TNIP3: variants seen among roughly 807,000 people sequenced by gnomAD.
TNIP3 encodes the protein TNFAIP3 interacting protein 3, also known as TNFAIP3-interacting protein 3.
TNIP3 carries 34 observed loss-of-function variants against 54.1 expected under a neutral mutation model. That is an observed-to-expected ratio of 0.63 (90% confidence interval 0.48 to 0.84). The LOEUF (loss-of-function observed/expected upper bound fraction) is 0.84, where lower values mean the gene tolerates loss of function less well. Ranked by LOEUF, TNIP3 falls within the 40% of genes least tolerant of loss-of-function variation. TNIP3 has a pLI of 0.00. For missense variants in TNIP3, 366 were observed against 387.6 expected (o/e 0.94, Z 0.47); for synonymous variants, 134 against 136.8 (o/e 0.98, Z 0.14).
intron 1 of TNIP3, 62 bp downstream of exon 1, chr4:121,163,998 A>C: frequency 6.3e-7 from 1 of 1,584,072 alleles, no homozygotes; most frequent in Non-Finnish European, 8.6e-7. Context: ...TGCACAATTA[A>C]CCACTAGAAA....
intron 2 of TNIP3, among the ~76,000 whole-genome samples, chr4:121,160,928 C>T (rs928489361): frequency 6.6e-6 from 1 of 152,040 alleles, no homozygotes; most frequent in Non-Finnish European, 1.5e-5. Flanking sequence ...GTTTTTCATT[C>T]GTCACTGCAC....
At chr4:121,186,869 C>A (rs1014161261) in intron 2 of TNIP3, among the ~76,000 whole-genome samples, 2 of 152,108 alleles carry the variant, frequency 1.3e-5, no homozygotes, top group Admixed American at 1.3e-4. Flanking sequence ...AATTATGTCA[C>A]CTACTTGGGC....
chr4:121,211,043 T>A (rs949117982), intron 2 of TNIP3, among the ~76,000 whole-genome samples: 1 of 152,084 alleles, frequency 6.6e-6, no homozygotes, highest in Admixed American at 6.5e-5. Flanking sequence ...TCTGGTAATA[T>A]AAAGAAAATA....
chr4:121,177,366 C>T (rs914907417), intron 3 of TNIP3, among the ~76,000 whole-genome samples: 1 of 152,208 alleles, frequency 6.6e-6, no homozygotes, highest in African/African-American at 2.4e-5. Flanking sequence ...AATATAAAAG[C>T]ACACTTTCAT....
At chr4:121,185,852 A>G (rs1724983154) in intron 2 of TNIP3, among the ~76,000 whole-genome samples, 1 of 152,238 alleles carries the variant, frequency 6.6e-6, no homozygotes, top group African/African-American at 2.4e-5. Context: ...TTAAACAACA[A>G]TTGAGTATCC....
At chr4:121,219,266 C>T (rs2148852064), upstream of TNIP3, among the ~76,000 whole-genome samples, 1 of 152,244 alleles carries the variant, frequency 6.6e-6, no homozygotes, top group Middle Eastern at 3.4e-3. Flanking sequence ...GGCTGAGCAT[C>T]CTCTGAAGCT....
chr4:121,142,015 C>T (rs1729150814), intron 8 of TNIP3, 101 bp from the exon 9 acceptor site: 1 of 658,158 alleles, frequency 1.5e-6, no homozygotes, highest in Non-Finnish European at 2.4e-6. Flanking sequence ...CTTAAGGTTC[C>T]ACTTAATCTG....
Position 121,153,324 on chromosome 4 carries a change from T to C in TNIP3, c.492+1227A>G, listed in dbSNP as rs1729876787. ...TGAGCAAAACTACAGCATTCTTGGC[T>C]GTTCTAATATCTACAAGGTTTATAT... On this transcript the variant is annotated intron_variant, in intron 5 of 10. Coordinates refer to ENST00000057513, the MANE Select transcript of TNIP3 (RefSeq NM_024873.6). Among the ~76,000 whole-genome samples the C allele has an allele frequency of 2.0e-5, 3 of 152,176 alleles. No individual in the cohort carries two copies. In the South Asian group the frequency reaches 6.2e-4, roughly 31 times the overall value.
At chr4:121,204,797 G>A (rs1017798533) in intron 2 of TNIP3, among the ~76,000 whole-genome samples, 2 of 152,082 alleles carry the variant, frequency 1.3e-5, no homozygotes, top group Non-Finnish European at 2.9e-5. Context: ...TTCTAAATTG[G>A]TTGCAATAAT....
intron 6 of TNIP3, 149 bp downstream of exon 6, chr4:121,149,954 A>AT: frequency 1.7e-6 from 1 of 573,052 alleles, no homozygotes; most frequent in South Asian, 2.3e-5. Context: ...TATTCTTTCT[A>AT]TCAAGCTTGA....
Position 121,154,609 on chromosome 4 carries a change from T to C in TNIP3, c.434A>G (p.Asn145Ser), listed in dbSNP as rs539995804. 6.2e-6 allele frequency: 10 copies of C among 1,613,538 alleles called. No homozygotes were observed. The highest frequency in any genetic ancestry group is 8.5e-6 in the Non-Finnish European group (10 of 1,179,818). ...KEENKLLKGK[N>S]TLANKEKEHY... ...TTCCTTTTCCTTGTTCGCAAGAGTA[T>C]TTTTTCCCTTTAAAAGTTTATTCTC... The change falls in exon 5 of 11, where the codon AAT becomes AGT. Residue 145 changes from asparagine to serine, a missense_variant. Physicochemically the swap from Asn to Ser is conservative, Grantham distance 46. Coordinates refer to ENST00000057513, the MANE Select transcript of TNIP3 (RefSeq NM_024873.6).
chr4:121,150,445 A>G (rs1729680051), intron 5 of TNIP3, among the ~76,000 whole-genome samples: 1 of 151,660 alleles, frequency 6.6e-6, no homozygotes, highest in Non-Finnish European at 1.5e-5. Flanking sequence ...GTCAATCCTC[A>G]TTATTATTTA....
Position 121,132,602 on chromosome 4 carries a change from C to T in TNIP3, c.*29G>A. 6.2e-7 allele frequency: 1 copy of T among 1,610,420 alleles called. No individual in the cohort carries two copies. The highest frequency in any genetic ancestry group is 8.5e-7 in the Non-Finnish European group (1 of 1,176,936). Reference sequence around the variant, plus strand: ...GTCCTCAGCCACGCTCCCTCGTTGCCTGTTGTCTCTCTCTGTTAGTGTGTA... The same window carrying T: ...GTCCTCAGCCACGCTCCCTCGTTGCTTGTTGTCTCTCTCTGTTAGTGTGTA... On this transcript the variant is annotated 3_prime_UTR_variant, in exon 11 of 11. Transcript: ENST00000057513.
At chr4:121,215,659 G>C (rs1019136205) in intron 2 of TNIP3, among the ~76,000 whole-genome samples, 2 of 151,906 alleles carry the variant, frequency 1.3e-5, no homozygotes, top group Non-Finnish European at 2.9e-5. Flanking sequence ...ACTTCTTCGT[G>C]TATTTCTATC....
chr4:121,223,898 T>C (rs1285831967), intron 1 of TNIP3, among the ~76,000 whole-genome samples: 2 of 152,198 alleles, frequency 1.3e-5, no homozygotes, highest in Non-Finnish European at 2.9e-5. Context: ...ATTATTACTA[T>C]TAAAATCAAT....
chr4:121,157,596 G>T (rs1406518694), intron 3 of TNIP3, among the ~76,000 whole-genome samples: 1 of 152,174 alleles, frequency 6.6e-6, no homozygotes, highest in Non-Finnish European at 1.5e-5. Flanking sequence ...TCTGGAAAGG[G>T]CAATGAGGGG....
In TNIP3 at chr4:121,222,536, T is replaced by C. The variant is rs368105461; in HGVS notation, c.3+4849A>G. Reference sequence around the variant, plus strand: ...CTTCCCTTCTTCAAGGAAAAGTCCATAATGATTAAACAAGACACTGCATTT... The same window carrying C: ...CTTCCCTTCTTCAAGGAAAAGTCCACAATGATTAAACAAGACACTGCATTT... On this transcript the variant is annotated intron_variant, in intron 1 of 12. Transcript: ENST00000509841. Among the ~76,000 whole-genome samples, 61 of 152,296 alleles carry C rather than the reference T, an allele frequency of 4.0e-4. 2 individuals are homozygous for C. In the South Asian group the frequency reaches 0.012, roughly 30 times the overall value.
Position 121,150,168 on chromosome 4 carries a change from TCAAA to T in TNIP3, c.540_543del (p.Cys180Ter). 6.2e-7 allele frequency: 1 copy of T among 1,613,918 alleles called. No homozygotes were observed. The highest frequency in any genetic ancestry group is 8.5e-7 in the Non-Finnish European group (1 of 1,179,906). On this transcript the variant is annotated frameshift_variant, in exon 6 of 11. Coordinates refer to ENST00000057513, the MANE Select transcript of TNIP3 (RefSeq NM_024873.6). LOFTEE classifies it high-confidence loss of function. ...TGGCAGAATTCCACTCGAGACTTCCTCAAACAGTCCTCGGAAAATGAACACTTGA... is the reference window on the plus strand; with the variant it reads ...TGGCAGAATTCCACTCGAGACTTCCTCAGTCCTCGGAAAATGAACACTTGA...
chr4:121,200,484 A>G (rs1378776124), intron 2 of TNIP3, among the ~76,000 whole-genome samples: 1 of 152,142 alleles, frequency 6.6e-6, no homozygotes, highest in Non-Finnish European at 1.5e-5. Context: ...GAGCTTTGAC[A>G]GTTGGCAGCT....
Sources: gnomAD v4.1 joint callset for allele counts (sites outside exome capture counted in the v4.1 genomes callset) on GRCh38, gnomAD v4.1.1 for gene constraint, MANE v1.5 for transcripts, NCBI Gene and HGNC (gene_info 2026-07-23, HGNC 2026-07-21) for gene names.